Variants in GDA observed in about 807,000 individuals in gnomAD.
GDA encodes cytoplasmic PSD-95 interactor.
GDA carries 18 observed loss-of-function variants against 59.6 expected under a neutral mutation model. The observed-to-expected ratio is 0.30, with a 90% CI of 0.21 to 0.45. The LOEUF is 0.45. Among genes scored for constraint, GDA ranks in the 20% least tolerant of loss-of-function variants. The pLI is 1.00. For missense variants in GDA, 427 were observed against 552.3 expected (o/e 0.77, Z 2.27); for synonymous variants, 201 against 201.1 (o/e 1.00, Z 0.00).
intron 10 of GDA, among the ~76,000 whole-genome samples, chr9:72,235,821 T>C (rs762708435): frequency 2.0e-5 from 3 of 151,870 alleles, no homozygotes; most frequent in Non-Finnish European, 4.4e-5. Context: ...ATGTGAAATA[T>C]GAAAAAAACC....
chr9:72,118,297 AG>A (rs1335116995), intron 1 of GDA, among the ~76,000 whole-genome samples: 33 of 148,450 alleles, frequency 2.2e-4, no homozygotes, highest in African/African-American at 7.4e-4. Context: ...AAAAAAAAAA[AG>A]AATGTAAATT....
At chr9:72,120,557 G>A (rs994731608) in intron 1 of GDA, among the ~76,000 whole-genome samples, 7 of 152,154 alleles carry the variant, frequency 4.6e-5, no homozygotes, top group African/African-American at 1.7e-4. Context: ...ATCAGGAGTC[G>A]TTTAGAAGCA....
At chr9:72,166,205 T>C (rs933703050) in intron 1 of GDA, among the ~76,000 whole-genome samples, 3 of 152,180 alleles carry the variant, frequency 2.0e-5, no homozygotes, top group Non-Finnish European at 2.9e-5. Context: ...AGGAAAACTA[T>C]CCCTGTGATC....
At chr9:72,189,764 C>T (rs1418055641) in intron 1 of GDA, among the ~76,000 whole-genome samples, 1 of 152,064 alleles carries the variant, frequency 6.6e-6, no homozygotes, top group East Asian at 1.9e-4. Context: ...TCATTTGAGC[C>T]TGGGAGGTGG....
chr9:72,116,692 G>T (rs1464606153), intron 1 of GDA, among the ~76,000 whole-genome samples: 1 of 151,670 alleles, frequency 6.6e-6, no homozygotes, highest in Admixed American at 6.6e-5. Context: ...GCCTCCCCAG[G>T]TTTTCTATCC....
chr9:72,205,351 T>C (rs993801145), intron 3 of GDA, among the ~76,000 whole-genome samples: 2 of 152,154 alleles, frequency 1.3e-5, no homozygotes, highest in Admixed American at 6.6e-5. Flanking sequence ...CTTCCCTTTC[T>C]CAGGGGTCTC....
chr9:72,244,176 C>CA lies in GDA; in HGVS notation c.1136-958dup, dbSNP rs1039375512. Among the ~76,000 whole-genome samples, 295 of 117,340 alleles carry CA rather than the reference C, an allele frequency of 2.5e-3. 1 individual carries two copies. The highest frequency in any genetic ancestry group is 4.9e-3 in the Middle Eastern group (1 of 204). 77.0% of individuals were successfully genotyped at this position (117,340 alleles called of 152,430 possible). ...TAGGCGACAGAGCAAGACTCCGTCT[C>CA]AAAAAAAAAAAAAAGAAAGAAAGAA... On this transcript the variant is annotated intron_variant, in intron 11 of 13. Transcript: ENST00000358399.
intron 1 of GDA, among the ~76,000 whole-genome samples, chr9:72,122,369 A>G (rs980398313): frequency 6.6e-6 from 1 of 152,080 alleles, no homozygotes; most frequent in Non-Finnish European, 1.5e-5. Context: ...CAACTGTAAG[A>G]TGGGGAAAAT....
At chr9:72,135,257 C>T (rs542140374) in intron 1 of GDA, among the ~76,000 whole-genome samples, 28 of 151,598 alleles carry the variant, frequency 1.8e-4, no homozygotes, top group Non-Finnish European at 3.7e-4. Context: ...TTTTCAATTT[C>T]AGTCAACGAA....
Position 72,214,007 on chromosome 9 carries a change from G to A in GDA, c.578+16G>A. The A allele has an allele frequency of 7.7e-7, 1 of 1,296,708 alleles. No individual in the cohort carries two copies. The highest frequency in any genetic ancestry group is 1.1e-6 in the Non-Finnish European group (1 of 890,958). 80.3% of individuals were successfully genotyped at this position (1,296,708 alleles called of 1,614,324 possible). A position where few individuals can be genotyped will look rare whatever the true frequency, so the allele number is the denominator to read the frequency against. ...AAACTGAGAGGTAAAAGGCCCATTTGTCTTGATTTGTCTTACAGGTGAATT... is the reference window on the plus strand; with the variant it reads ...AAACTGAGAGGTAAAAGGCCCATTTATCTTGATTTGTCTTACAGGTGAATT... On this transcript the variant is annotated intron_variant, in intron 5 of 13. Coordinates refer to ENST00000358399, the MANE Select transcript of GDA (RefSeq NM_004293.5).
At chr9:72,211,779 T>C (rs1278816807) in intron 4 of GDA, among the ~76,000 whole-genome samples, 1 of 152,118 alleles carries the variant, frequency 6.6e-6, no homozygotes, top group East Asian at 1.9e-4. Flanking sequence ...GGGACCACAG[T>C]AGTTTAACTA....
At chr9:72,245,118 CCTGA>C (rs1405253943) in intron 11 of GDA, 26 bp from the exon 12 acceptor site, 1 of 1,611,358 alleles carries the variant, frequency 6.2e-7, no homozygotes, top group Non-Finnish European at 8.5e-7. Flanking sequence ...GGCTTGCAAT[CCTGA>C]CTGTTTATTC....
intron 1 of GDA, among the ~76,000 whole-genome samples, chr9:72,137,242 C>CTTTTTTTTTTTT (rs143364725): frequency 2.1e-4 from 18 of 84,514 alleles, no homozygotes; most frequent in East Asian, 4.1e-4. Context: ...TTCTTTTTTT[C>CTTTTTTTTTTTT]TTTTTTTTTT....
intron 1 of GDA, among the ~76,000 whole-genome samples, chr9:72,143,814 G>T (rs1826527544): frequency 2.6e-5 from 4 of 152,062 alleles, no homozygotes; most frequent in South Asian, 2.1e-4. Context: ...AACCACAAGG[G>T]TGCTAATGGT....
intron 3 of GDA, among the ~76,000 whole-genome samples, chr9:72,208,837 A>G (rs1835028972): frequency 6.6e-6 from 1 of 152,232 alleles, no homozygotes; most frequent in Admixed American, 6.5e-5. Flanking sequence ...TTGCTAGAAC[A>G]TGAGCATTGC....
chr9:72,114,939 G>C (rs1324557915), intron 1 of GDA: 1 of 152,236 alleles, frequency 6.6e-6, no homozygotes, highest in Non-Finnish European at 1.5e-5. Context: ...GACAGAGAGA[G>C]AGTGTGTGCC....
In GDA at chr9:72,247,426, C is replaced by T; in HGVS notation, c.1287C>T (p.Leu429=). 6.8e-7 allele frequency: 1 copy of T among 1,474,030 alleles called. No homozygotes were observed. Among genetic ancestry groups the T allele is most frequent in the Non-Finnish European group, 9.5e-7 (1 of 1,052,394 alleles). The allele number at this position is 1,474,030 out of a possible 1,614,324, so 91.3% of individuals were successfully genotyped here. Reference sequence around the variant, plus strand: ...TTTAGGCTGTTATCCAGAAGTTCCTCTATCTAGGTAGGTAGATGCATGTCT... The same window carrying T: ...TTTAGGCTGTTATCCAGAAGTTCCTTTATCTAGGTAGGTAGATGCATGTCT... ...DISEAVIQKF[L]YLGDDRNIEE... Residue 429 remains leucine, a synonymous_variant, in exon 13 of 14, where the codon CTC becomes CTT. Coordinates refer to ENST00000358399, the MANE Select transcript of GDA (RefSeq NM_004293.5).
chr9:72,167,239 T>C (rs1209660706), intron 1 of GDA, among the ~76,000 whole-genome samples: 1 of 152,154 alleles, frequency 6.6e-6, no homozygotes, highest in Admixed American at 6.5e-5. Context: ...TCATCATGAT[T>C]GCTTCCTTAA....
At chr9:72,142,332 C>T (rs186658071) in intron 1 of GDA, among the ~76,000 whole-genome samples, 2 of 152,078 alleles carry the variant, frequency 1.3e-5, no homozygotes, top group African/African-American at 4.8e-5. Flanking sequence ...AGTATGGAAA[C>T]TGGCCGGGTG....
Sources: gnomAD v4.1 joint callset for allele counts (sites outside exome capture counted in the v4.1 genomes callset) on GRCh38, gnomAD v4.1.1 for gene constraint, MANE v1.5 for transcripts, NCBI Gene and HGNC (gene_info 2026-07-23, HGNC 2026-07-21) for gene names.